Variants in C8orf34 observed in about 807,000 individuals in gnomAD.
C8orf34 encodes the protein chromosome 8 open reading frame 34, also known as uncharacterized protein C8orf34.
In C8orf34, 65 loss-of-function variants were observed where a neutral mutation model predicts 68.3. That is an observed-to-expected ratio of 0.95 (90% CI 0.78 to 1.17). The LOEUF is 1.17. Among genes scored for constraint, C8orf34 ranks in the 50% most tolerant of loss-of-function variants. The pLI is 0.00. For missense variants in C8orf34, 664 were observed against 655.4 expected (o/e 1.01, Z -0.14); for synonymous variants, 244 against 241.2 (o/e 1.01, Z -0.11).
intron 1 of C8orf34, among the ~76,000 whole-genome samples, chr8:68,381,855 A>C (rs1808056478): frequency 6.6e-6 from 1 of 152,158 alleles, no homozygotes; most frequent in Admixed American, 6.5e-5. Flanking sequence ...ATAGATTAAA[A>C]ACAGAAAGTA....
intron 7 of C8orf34, among the ~76,000 whole-genome samples, chr8:68,602,036 G>C (rs1286488169): frequency 6.6e-6 from 1 of 152,112 alleles, no homozygotes; most frequent in African/African-American, 2.4e-5. Context: ...CCAATGAGGA[G>C]AGCCAGCTCA....
At chr8:68,715,864 A>G (rs1280206716) in intron 9 of C8orf34, among the ~76,000 whole-genome samples, 2 of 152,226 alleles carry the variant, frequency 1.3e-5, no homozygotes, top group African/African-American at 2.4e-5. Flanking sequence ...ATATTTGCAC[A>G]TAAATGTTTA....
chr8:68,731,205 C>T (rs774157323), intron 10 of C8orf34, among the ~76,000 whole-genome samples: 36 of 152,242 alleles, frequency 2.4e-4, no homozygotes, highest in Non-Finnish European at 4.7e-4. Flanking sequence ...ACATAGATTA[C>T]ATAAAATGGT....
intron 7 of C8orf34, among the ~76,000 whole-genome samples, chr8:68,605,884 T>C (rs1817838670): frequency 6.6e-6 from 1 of 152,072 alleles, no homozygotes; most frequent in African/African-American, 2.4e-5. Flanking sequence ...TGGGTGATGA[T>C]GATGTGTTAA....
At chr8:68,630,524 G>T (rs1818659989) in intron 7 of C8orf34, among the ~76,000 whole-genome samples, 1 of 151,896 alleles carries the variant, frequency 6.6e-6, no homozygotes, top group African/African-American at 2.4e-5. Flanking sequence ...CTATATCCAT[G>T]ATATTTAGTT....
At chr8:68,584,601 T>C (rs143974305) in intron 7 of C8orf34, among the ~76,000 whole-genome samples, 1 of 152,126 alleles carries the variant, frequency 6.6e-6, no homozygotes, top group Non-Finnish European at 1.5e-5. Flanking sequence ...GAATCATTAG[T>C]CATAATCATA....
At chr8:68,582,710 T>G (rs886281019) in intron 7 of C8orf34, among the ~76,000 whole-genome samples, 1 of 151,868 alleles carries the variant, frequency 6.6e-6, no homozygotes, top group African/African-American at 2.4e-5. Flanking sequence ...GCTCCAATAC[T>G]CTCAACATTT....
chr8:68,456,619 T>A lies in C8orf34; in HGVS notation c.607+10159T>A, dbSNP rs374987302. ...AAACCAAAAAATAGCACTTATACAATTCAAACTGGCATAGGGACAAAGATC... is the reference window on the plus strand; with the variant it reads ...AAACCAAAAAATAGCACTTATACAAATCAAACTGGCATAGGGACAAAGATC... On this transcript the variant is annotated intron_variant, in intron 3 of 13. Coordinates refer to ENST00000518698, the MANE Select transcript of C8orf34 (RefSeq NM_052958.4). Among the ~76,000 whole-genome samples the A allele has an allele frequency of 1.6e-4, 24 of 152,338 alleles. No homozygotes were observed. The East Asian group carries it at 1.7e-3, about 11-fold the overall frequency.
At chr8:68,462,552 C>T (rs555015786) in intron 3 of C8orf34, among the ~76,000 whole-genome samples, 7 of 151,758 alleles carry the variant, frequency 4.6e-5, no homozygotes, top group East Asian at 1.9e-4. Context: ...TAAAGCTCTC[C>T]TCAGCAAATG....
At chr8:68,716,019 C>A (rs983951974) in intron 9 of C8orf34, among the ~76,000 whole-genome samples, 1 of 151,902 alleles carries the variant, frequency 6.6e-6, no homozygotes, top group African/African-American at 2.4e-5. Flanking sequence ...TTTACAGCAA[C>A]CTGGACAGAA....
chr8:68,680,475 C>A (rs1405148707), intron 8 of C8orf34, among the ~76,000 whole-genome samples: 1 of 152,094 alleles, frequency 6.6e-6, no homozygotes, highest in Non-Finnish European at 1.5e-5. Flanking sequence ...ATTGGTAAGA[C>A]CGTGATGCCC....
intron 7 of C8orf34, among the ~76,000 whole-genome samples, chr8:68,560,892 T>G (rs1563530789): frequency 1.3e-5 from 2 of 152,148 alleles, no homozygotes; most frequent in Non-Finnish European, 2.9e-5. Flanking sequence ...ACATTAGATT[T>G]ATCTTAAAAT....
chr8:68,587,607 A>T (rs931492362), intron 7 of C8orf34, among the ~76,000 whole-genome samples: 2 of 152,148 alleles, frequency 1.3e-5, no homozygotes, highest in Non-Finnish European at 2.9e-5. Context: ...TTAATAAAAT[A>T]AAACTAAGAA....
intron 8 of C8orf34, among the ~76,000 whole-genome samples, chr8:68,678,234 C>T (rs1286963707): frequency 2.0e-5 from 3 of 152,088 alleles, no homozygotes; most frequent in Non-Finnish European, 4.4e-5. Context: ...TACCCTGAAA[C>T]CCAAATCAGA....
intron 12 of C8orf34, among the ~76,000 whole-genome samples, chr8:68,811,333 T>G (rs1312059506): frequency 6.6e-6 from 1 of 152,150 alleles, no homozygotes; most frequent in African/African-American, 2.4e-5. Context: ...AGCAGTCACT[T>G]CCGAGCCTGC....
At chr8:68,336,353 G>T (rs1216473014) in intron 1 of C8orf34, among the ~76,000 whole-genome samples, 1 of 152,082 alleles carries the variant, frequency 6.6e-6, no homozygotes, top group Non-Finnish European at 1.5e-5. Flanking sequence ...GCCTGGCAGG[G>T]TCAGAAGATT....
chr8:68,723,846 T>C (rs1821752041), intron 10 of C8orf34, among the ~76,000 whole-genome samples: 1 of 152,148 alleles, frequency 6.6e-6, no homozygotes, highest in Non-Finnish European at 1.5e-5. Flanking sequence ...TTTTCATGAG[T>C]GATTTCAAAT....
At chr8:68,814,800 C>CA (rs1376880754) in intron 12 of C8orf34, among the ~76,000 whole-genome samples, 2 of 152,168 alleles carry the variant, frequency 1.3e-5, no homozygotes, top group East Asian at 3.9e-4. Context: ...TAAGCCATTT[C>CA]ATTCGAGTTG....
intron 1 of C8orf34, among the ~76,000 whole-genome samples, chr8:68,416,799 G>A (rs12550291): frequency 0.059 from 8,979 of 152,032 alleles, 515 homozygotes; most frequent in African/African-American, 0.15. Context: ...CCAAAATGCT[G>A]GGATTACAGG....
Sources: allele counts gnomAD v4.1 joint callset (sites outside exome capture counted in the v4.1 genomes callset), GRCh38; gene constraint gnomAD v4.1.1; transcripts MANE v1.5; gene names NCBI Gene and HGNC (gene_info 2026-07-23, HGNC 2026-07-21).